The following VWA8 variants were observed in gnomAD, a reference collection of about 807,000 sequenced individuals.
VWA8 encodes von Willebrand factor A domain-containing protein 8.
VWA8 carries 221 observed loss-of-function variants against 241.5 expected under a neutral mutation model. The ratio of observed to expected loss-of-function variants is 0.91; its 90% CI spans 0.82 to 1.02. The LOEUF (loss-of-function observed/expected upper bound fraction) is 1.02. Among genes scored for constraint, VWA8 ranks in the 50% least tolerant of loss-of-function variants. The pLI is 0.00. For missense variants in VWA8, 2,322 were observed against 2,328.7 expected (o/e 1.00, Z 0.06); for synonymous variants, 852 against 827.1 (o/e 1.03, Z -0.52).
chr13:41,654,061 A>G (rs2044885466), intron 37 of VWA8, among the ~76,000 whole-genome samples: 1 of 152,154 alleles, frequency 6.6e-6, no homozygotes, highest in Non-Finnish European at 1.5e-5. Context: ...ACTCATAAAA[A>G]CAAACACACA....
At chr13:41,777,875 C>A in intron 20 of VWA8, 110 bp downstream of exon 20, 1 of 875,758 alleles carries the variant, frequency 1.1e-6, no homozygotes, top group South Asian at 1.8e-5. Flanking sequence ...TTAATTAAAC[C>A]AGTCATTTAA....
Position 41,568,090 on chromosome 13 carries a change from CA to C in VWA8, c.*106del. 1.1e-6 allele frequency: 1 copy of C among 894,990 alleles called. No homozygotes were observed. The highest frequency in any genetic ancestry group is 2.5e-5 in the East Asian group (1 of 40,678). 55.4% of individuals were successfully genotyped at this position (894,990 alleles called of 1,614,324 possible). A position where few individuals can be genotyped will look rare whatever the true frequency, so the allele number is the denominator to read the frequency against. Reference sequence around the variant, plus strand: ...AAGACCCAGGAATGCCGGAATCATCCAGTCACTGCATGGGTTCACTTCATCC... The same window carrying C: ...AAGACCCAGGAATGCCGGAATCATCCGTCACTGCATGGGTTCACTTCATCC... On this transcript the variant is annotated 3_prime_UTR_variant, in exon 45 of 45. Transcript: ENST00000379310.
chr13:41,574,929 G>T (rs971444244), intron 43 of VWA8, among the ~76,000 whole-genome samples: 2 of 152,104 alleles, frequency 1.3e-5, no homozygotes, highest in Admixed American at 1.3e-4. Flanking sequence ...AGGAAAAGAA[G>T]TCATTATATT....
At chr13:41,641,568 G>T (rs1405899849) in intron 37 of VWA8, among the ~76,000 whole-genome samples, 1 of 151,952 alleles carries the variant, frequency 6.6e-6, no homozygotes, top group East Asian at 1.9e-4. Context: ...TCAGCTTTTT[G>T]GCAAAGAGTT....
chr13:41,729,927 T>G (rs1322547805), intron 22 of VWA8, among the ~76,000 whole-genome samples: 1 of 151,990 alleles, frequency 6.6e-6, no homozygotes, highest in Non-Finnish European at 1.5e-5. Flanking sequence ...AGTTATCTTT[T>G]TATTTCATTT....
chr13:41,828,128 T>A (rs1871259502), intron 14 of VWA8, among the ~76,000 whole-genome samples: 1 of 152,184 alleles, frequency 6.6e-6, no homozygotes, highest in Non-Finnish European at 1.5e-5. Context: ...TGATAATGTA[T>A]ACCTCGGAAG....
intron 17 of VWA8, among the ~76,000 whole-genome samples, chr13:41,809,860 C>A (rs1300611419): frequency 6.6e-6 from 1 of 151,972 alleles, no homozygotes; most frequent in Non-Finnish European, 1.5e-5. Flanking sequence ...ATCCATCTGA[C>A]AAGGGATTGA....
chr13:41,801,102 T>G (rs1459171606), intron 17 of VWA8, among the ~76,000 whole-genome samples: 1 of 152,036 alleles, frequency 6.6e-6, no homozygotes, highest in Admixed American at 6.6e-5. Flanking sequence ...GTATTTTTAA[T>G]TTCTTAGATC....
chr13:41,922,572 T>A (rs892764428), intron 2 of VWA8, among the ~76,000 whole-genome samples: 1 of 151,984 alleles, frequency 6.6e-6, no homozygotes, highest in African/African-American at 2.4e-5. Context: ...TACAAAGAAC[T>A]TAAACAAAAT....
At chr13:41,690,358 C>A in intron 32 of VWA8, 83 bp from the exon 33 acceptor site, 1 of 1,105,492 alleles carries the variant, frequency 9.0e-7, no homozygotes, top group East Asian at 2.6e-5. Flanking sequence ...AAATTAGATT[C>A]TCCTCAGTCT....
At chr13:41,636,660 A>G (rs910107105) in intron 37 of VWA8, among the ~76,000 whole-genome samples, 5 of 152,226 alleles carry the variant, frequency 3.3e-5, no homozygotes, top group South Asian at 2.1e-4. Context: ...AATTTTTGCA[A>G]TCTACTCATC....
At position 41,568,022 on chromosome 13, in the gene VWA8, T is replaced by TGTTTAAG; in HGVS notation, c.*174_*175insCTTAAAC. 6 of 597,296 alleles carry TGTTTAAG rather than the reference T, an allele frequency of 1.0e-5. No homozygotes were observed. The highest frequency in any genetic ancestry group is 1.5e-5 in the Non-Finnish European group (5 of 340,638). 37.0% of individuals were successfully genotyped at this position (597,296 alleles called of 1,614,324 possible). ...AGTATCTTTCCATGTTTAAGTCTCC[T>TGTTTAAG]TCTGGCTGCTTCTCTGAATTCTCAT... On this transcript the variant is annotated 3_prime_UTR_variant, in exon 45 of 45. Coordinates refer to ENST00000379310, the MANE Select transcript of VWA8 (RefSeq NM_015058.2).
intron 37 of VWA8, among the ~76,000 whole-genome samples, chr13:41,650,271 T>C (rs778798539): frequency 1.3e-5 from 2 of 152,248 alleles, no homozygotes; most frequent in African/African-American, 2.4e-5. Context: ...AGGTAGCTGC[T>C]ATAGTCAGTT....
At chr13:41,793,253 GAAT>G (rs1015327106) in intron 17 of VWA8, among the ~76,000 whole-genome samples, 1 of 152,006 alleles carries the variant, frequency 6.6e-6, no homozygotes, top group Non-Finnish European at 1.5e-5. Flanking sequence ...CCATTTAGTA[GAAT>G]AATTTTTCCT....
chr13:41,845,890 T>C (rs1032166933), intron 12 of VWA8, among the ~76,000 whole-genome samples: 1 of 152,176 alleles, frequency 6.6e-6, no homozygotes, highest in Non-Finnish European at 1.5e-5. Context: ...CTATGCTACC[T>C]GGGTGATACG....
intron 21 of VWA8, among the ~76,000 whole-genome samples, chr13:41,755,372 A>G (rs2045687269): frequency 6.6e-6 from 1 of 152,080 alleles, no homozygotes. Context: ...CATAGTAAAT[A>G]ACCAATATTG....
Position 41,570,479 on chromosome 13 carries a change from A to G in VWA8, c.5598T>C (p.Asp1866=). 2 of 1,613,986 alleles carry G rather than the reference A, an allele frequency of 1.2e-6. No individual in the cohort carries two copies. Among genetic ancestry groups the G allele is most frequent in the Admixed American group, 1.7e-5 (1 of 60,018 alleles). ...AFAIFIGSLG[D]QATRLQRTLP... ...CAGATGACACTTACCTGGTTGCTTG[A>G]TCACCTAAAGAGCCAATAAAAATGG... Residue 1866 remains aspartate, a synonymous_variant, in exon 44 of 45, where the codon GAT becomes GAC. Transcript: ENST00000379310.
At chr13:41,915,181 T>C (rs1209124594) in intron 2 of VWA8, among the ~76,000 whole-genome samples, 1 of 152,212 alleles carries the variant, frequency 6.6e-6, no homozygotes, top group Non-Finnish European at 1.5e-5. Flanking sequence ...GAGAAAAGCA[T>C]GGAGTTATTT....
chr13:41,873,220 A>T (rs1388504243), intron 9 of VWA8, among the ~76,000 whole-genome samples: 1 of 152,196 alleles, frequency 6.6e-6, no homozygotes, highest in Non-Finnish European at 1.5e-5. Flanking sequence ...AATGCCCACA[A>T]GAGAAAGCAG....
Sources: allele counts gnomAD v4.1 joint callset (sites outside exome capture counted in the v4.1 genomes callset), GRCh38; gene constraint gnomAD v4.1.1; transcripts MANE v1.5; gene names NCBI Gene and HGNC (gene_info 2026-07-23, HGNC 2026-07-21).